Variants in DKK2 observed in about 807,000 individuals in gnomAD.
DKK2 encodes the protein dickkopf-related protein 2.
Under a neutral mutation model 28.1 loss-of-function variants are expected in DKK2, and 11 were observed. The ratio of observed to expected loss-of-function variants is 0.39; its 90% CI spans 0.25 to 0.65. The LOEUF is 0.65. DKK2 is among the 30% of genes least tolerant of loss of function. The probability of loss-of-function intolerance (pLI) is 0.47; values close to 1 mark genes in which losing one functional copy is unlikely to be tolerated. For missense variants in DKK2, 326 were observed against 335.5 expected (o/e 0.97, Z 0.22); for synonymous variants, 135 against 126.5 (o/e 1.07, Z -0.45).
intron 1 of DKK2, among the ~76,000 whole-genome samples, chr4:106,954,872 G>A (rs1357103279): frequency 6.6e-6 from 1 of 152,140 alleles, no homozygotes; most frequent in Admixed American, 6.6e-5. Flanking sequence ...GGCAGTTCAT[G>A]CTGTACAGAA....
chr4:106,954,527 T>C (rs1166965362), intron 1 of DKK2, among the ~76,000 whole-genome samples: 1 of 151,976 alleles, frequency 6.6e-6, no homozygotes, highest in African/African-American at 2.4e-5. Flanking sequence ...TTTTCTTTTC[T>C]TTTTTTTGTT....
At position 107,035,670 on chromosome 4, in the gene DKK2, G is replaced by A. The variant is rs996232290; in HGVS notation, c.-79C>T. Reference sequence around the variant, plus strand: ...AAAGGGAGGGAGGACCCCAACACGGGGCCCCTCACTTGGGTCGCGGGGGCT... The same window carrying A: ...AAAGGGAGGGAGGACCCCAACACGGAGCCCCTCACTTGGGTCGCGGGGGCT... On this transcript the variant is annotated 5_prime_UTR_variant, in exon 1 of 4. Coordinates refer to ENST00000285311, the MANE Select transcript of DKK2 (RefSeq NM_014421.3). 23 of 1,512,850 alleles carry A rather than the reference G, an allele frequency of 1.5e-5. No individual in the cohort carries two copies. In the African/African-American group the frequency reaches 2.6e-4, roughly 17 times the overall value. 93.7% of individuals were successfully genotyped at this position (1,512,850 alleles called of 1,614,324 possible).
At chr4:106,983,379 A>AGAAAG (rs1560585869) in intron 1 of DKK2, among the ~76,000 whole-genome samples, 1 of 149,032 alleles carries the variant, frequency 6.7e-6, no homozygotes, top group Non-Finnish European at 1.5e-5. Context: ...AAGAAAGAAA[A>AGAAAG]GAAAGAAAAG....
rs1226667062 is a variant in DKK2 at position 106,975,675 on chromosome 4, C to T, written c.223-49726G>A. Among the ~76,000 whole-genome samples the T allele has an allele frequency of 2.6e-5, 4 of 151,898 alleles. 1 individual carries two copies. Among genetic ancestry groups the T allele is most frequent in the African/African-American group, 4.8e-5 (2 of 41,372 alleles). ...CTAGCAGTCTGTCTATTTTGTTAAT[C>T]TTAAAGAAAAAGCAGCTCCTAGATT... is the stretch of plus-strand genomic sequence containing the variant. On this transcript the variant is annotated intron_variant, in intron 1 of 3. Coordinates refer to ENST00000285311, the MANE Select transcript of DKK2 (RefSeq NM_014421.3).
intron 1 of DKK2, among the ~76,000 whole-genome samples, chr4:106,965,692 C>G (rs937258295): frequency 6.7e-6 from 1 of 148,782 alleles, no homozygotes; most frequent in African/African-American, 2.5e-5. Context: ...TGCGCTGCAC[C>G]CACTAACTCG....
At chr4:107,035,335 T>C (rs966064559) in intron 1 of DKK2, 35 bp downstream of exon 1, 2 of 1,609,944 alleles carry the variant, frequency 1.2e-6, no homozygotes, top group African/African-American at 2.7e-5. Context: ...CCCCTGCCTC[T>C]TCTGTCTGAA....
At chr4:107,025,844 G>T (rs1021414229) in intron 1 of DKK2, among the ~76,000 whole-genome samples, 1 of 152,164 alleles carries the variant, frequency 6.6e-6, no homozygotes, top group Non-Finnish European at 1.5e-5. Context: ...AACTGTCTAC[G>T]TATAATTTAT....
chr4:106,945,698 C>T (rs550537797), intron 1 of DKK2, among the ~76,000 whole-genome samples: 5 of 152,220 alleles, frequency 3.3e-5, no homozygotes, highest in African/African-American at 7.2e-5. Context: ...TGATGTCTGG[C>T]TTGTTCACTG....
chr4:107,010,031 T>C (rs909860393), intron 1 of DKK2, among the ~76,000 whole-genome samples: 1 of 151,804 alleles, frequency 6.6e-6, no homozygotes, highest in African/African-American at 2.4e-5. Context: ...ATCTGTGAAG[T>C]TTACCATCAC....
intron 1 of DKK2, among the ~76,000 whole-genome samples, chr4:106,997,749 TCAGGTCTGC>T (rs1254860357): frequency 1.3e-5 from 2 of 152,242 alleles, no homozygotes; most frequent in African/African-American, 4.8e-5. Flanking sequence ...AAATGCATAT[TCAGGTCTGC>T]AACTATGCAT....
Position 107,035,457 on chromosome 4 carries a change from C to G in DKK2, c.135G>C (p.Glu45Asp), listed in dbSNP as rs201002459. The G allele has an allele frequency of 1.1e-5, 17 of 1,614,228 alleles. No individual in the cohort carries two copies. The highest frequency in any genetic ancestry group is 1.4e-5 in the Non-Finnish European group (16 of 1,180,052). Reference sequence around the variant, plus strand: ...ATCGATTGGCGGCCTGACCAGGCGTCTCCCCGCCCAGAGAGGACTTGATGG... The same window carrying G: ...ATCGATTGGCGGCCTGACCAGGCGTGTCCCCGCCCAGAGAGGACTTGATGG... Reference protein sequence around the residue: ...LNSIKSSLGGETPGQAANRSA... With the variant: ...LNSIKSSLGGDTPGQAANRSA... The change falls in exon 1 of 4, where the codon GAG becomes GAC. Residue 45 changes from glutamate to aspartate, a missense_variant. Glu to Asp is a conservative substitution (Grantham distance 45). Coordinates refer to ENST00000285311, the MANE Select transcript of DKK2 (RefSeq NM_014421.3).
At chr4:106,950,949 C>CA (rs1177841157) in intron 1 of DKK2, among the ~76,000 whole-genome samples, 1 of 152,060 alleles carries the variant, frequency 6.6e-6, no homozygotes, top group Non-Finnish European at 1.5e-5. Context: ...GCAAGTCTAC[C>CA]ATATTCTGAC....
At chr4:106,965,240 T>C (rs2110352019) in intron 1 of DKK2, among the ~76,000 whole-genome samples, 1 of 152,290 alleles carries the variant, frequency 6.6e-6, no homozygotes, top group Non-Finnish European at 1.5e-5. Context: ...AAAATTGAAA[T>C]ATGTCTTTGC....
chr4:106,933,632 G>A (rs2110340918), intron 1 of DKK2, among the ~76,000 whole-genome samples: 2 of 152,090 alleles, frequency 1.3e-5, no homozygotes, highest in Non-Finnish European at 2.9e-5. Context: ...TGTATCCAGT[G>A]GGCCCTTACA....
intron 1 of DKK2, among the ~76,000 whole-genome samples, chr4:106,958,333 A>G (rs1359856619): frequency 6.6e-6 from 1 of 152,088 alleles, no homozygotes; most frequent in African/African-American, 2.4e-5. Flanking sequence ...TACATTACCC[A>G]TAATTTACAA....
At chr4:107,026,593 G>T (rs1337963878) in intron 1 of DKK2, among the ~76,000 whole-genome samples, 1 of 152,130 alleles carries the variant, frequency 6.6e-6, no homozygotes, top group Non-Finnish European at 1.5e-5. Context: ...GTTTTGGTAA[G>T]AACCTACATA....
At chr4:107,026,427 A>T (rs1723779873) in intron 1 of DKK2, among the ~76,000 whole-genome samples, 1 of 152,196 alleles carries the variant, frequency 6.6e-6, no homozygotes, top group South Asian at 2.1e-4. Flanking sequence ...ATATTTGTGC[A>T]TATTATATTA....
At chr4:106,956,487 C>A (rs1355206836) in intron 1 of DKK2, among the ~76,000 whole-genome samples, 2 of 152,220 alleles carry the variant, frequency 1.3e-5, no homozygotes, top group African/African-American at 4.8e-5. Flanking sequence ...CATCACACTA[C>A]CTGACTTCAA....
intron 1 of DKK2, among the ~76,000 whole-genome samples, chr4:106,965,548 T>A (rs1313734210): frequency 6.6e-6 from 1 of 152,126 alleles, no homozygotes; most frequent in African/African-American, 2.4e-5. Flanking sequence ...AATTCTTGGT[T>A]ATACTTGAAA....
Sources: allele counts gnomAD v4.1 joint callset (sites outside exome capture counted in the v4.1 genomes callset), GRCh38; gene constraint gnomAD v4.1.1; transcripts MANE v1.5; gene names NCBI Gene and HGNC (gene_info 2026-07-23, HGNC 2026-07-21).